Variants in EDNRB observed in about 807,000 individuals in gnomAD.
The protein encoded by EDNRB is endothelin receptor type B, also known as Hirschsprung disease 2.
Under a neutral mutation model 46.4 loss-of-function variants are expected in EDNRB, and 18 were observed. The ratio of observed to expected loss-of-function variants is 0.39; its 90% CI spans 0.27 to 0.57. The LOEUF (loss-of-function observed/expected upper bound fraction) is 0.57. EDNRB is among the 20% of genes least tolerant of loss of function. EDNRB has a pLI of 0.61. For synonymous variants in EDNRB, 213 were observed against 204.9 expected, an observed-to-expected ratio of 1.04 and a Z score of -0.34; for missense variants, 434 against 537.5, an observed-to-expected ratio of 0.81 and a Z score of 1.90.
chr13:77,901,123 T>A lies in EDNRB; in HGVS notation c.886A>T (p.Met296Leu), dbSNP rs765490586. ...TTCTTTCTCAACATTTCACAGGTCA[T>A]TAGTGTATAAAAAAATGCAGTGATG... Reference protein sequence around the residue: ...LAITAFFYTLMTCEMLRKKSG... With the variant: ...LAITAFFYTLLTCEMLRKKSG... The change falls in exon 4 of 7, where the codon ATG becomes TTG. Residue 296 changes from methionine (M) to leucine (L), a missense_variant. By Grantham distance (15) the Met-to-Leu change is conservative. Coordinates refer to ENST00000646607, the MANE Select transcript of EDNRB (RefSeq NM_001122659.3). 1 of 1,611,536 alleles carries A rather than the reference T, an allele frequency of 6.2e-7. No homozygotes were observed. The highest frequency in any genetic ancestry group is 1.1e-5 in the South Asian group (1 of 91,032).
At position 77,916,125 on chromosome 13, in the gene EDNRB, G is replaced by T. The variant is rs12720181; in HGVS notation, c.483+1966C>A. 5.9e-5 allele frequency among the ~76,000 whole-genome samples: 9 copies of T among 152,268 alleles called. No individual in the cohort carries two copies. In the South Asian group the frequency reaches 1.9e-3, roughly 32 times the overall value. On this transcript the variant is annotated intron_variant, in intron 1 of 6. Coordinates refer to ENST00000646607, the MANE Select transcript of EDNRB (RefSeq NM_001122659.3). ...CTTCAGCTACTGTCTGATTTAGAAA[G>T]GTTTCTAACTGGGCTGGACATGTGG...
At chr13:77,921,561 A>C (rs7989185), upstream of EDNRB, among the ~76,000 whole-genome samples, 1 of 151,884 alleles carries the variant, frequency 6.6e-6, no homozygotes. Flanking sequence ...TGCATGTCTA[A>C]ATGGTTACAC....
At chr13:77,914,169 C>T (rs1357976673) in intron 1 of EDNRB, among the ~76,000 whole-genome samples, 1 of 152,126 alleles carries the variant, frequency 6.6e-6, no homozygotes, top group Admixed American at 6.6e-5. Context: ...TTTAATAATT[C>T]CAGTTATAAA....
chr13:77,953,774 G>A (rs1881158300), intron 1 of EDNRB, among the ~76,000 whole-genome samples: 1 of 152,080 alleles, frequency 6.6e-6, no homozygotes, highest in South Asian at 2.1e-4. Context: ...GGAACCCAGG[G>A]ACCATATAAT....
chr13:77,935,289 T>C (rs1880530204), intron 1 of EDNRB, among the ~76,000 whole-genome samples: 2 of 152,166 alleles, frequency 1.3e-5, no homozygotes, highest in Admixed American at 6.5e-5. Flanking sequence ...CCAGTTCTTG[T>C]GTAAGAATTC....
At chr13:77,956,956 G>T (rs751619933) in intron 1 of EDNRB, among the ~76,000 whole-genome samples, 9 of 152,142 alleles carry the variant, frequency 5.9e-5, no homozygotes, top group Admixed American at 1.3e-4. Flanking sequence ...AGTCCCTTTA[G>T]CCATGTAAGA....
intron 1 of EDNRB, among the ~76,000 whole-genome samples, chr13:77,929,043 G>T (rs190653794): frequency 1.3e-5 from 2 of 152,256 alleles, no homozygotes; most frequent in South Asian, 4.1e-4. Context: ...TAAATTTTAG[G>T]TTCAGACGTT....
At chr13:77,963,692 T>C (rs1010615260) in intron 1 of EDNRB, among the ~76,000 whole-genome samples, 43 of 152,158 alleles carry the variant, frequency 2.8e-4, no homozygotes, top group African/African-American at 8.9e-4. Flanking sequence ...GGCAATACCA[T>C]TCAGGACGGA....
At chr13:77,909,460 C>A (rs141010460) in intron 1 of EDNRB, among the ~76,000 whole-genome samples, 1 of 151,868 alleles carries the variant, frequency 6.6e-6, no homozygotes, top group African/African-American at 2.4e-5. Flanking sequence ...AAAAAAAATC[C>A]TGTTAACACA....
chr13:77,908,609 G>A (rs1425009540), intron 1 of EDNRB, among the ~76,000 whole-genome samples: 1 of 151,956 alleles, frequency 6.6e-6, no homozygotes, highest in Non-Finnish European at 1.5e-5. Context: ...CACTGAAGAG[G>A]AAATGGATTC....
chr13:77,925,531 C>G (rs1880212319), intron 1 of EDNRB, among the ~76,000 whole-genome samples: 2 of 152,190 alleles, frequency 1.3e-5, no homozygotes, highest in South Asian at 4.1e-4. Context: ...AAGCCCTAAG[C>G]CTTGGCACCT....
intron 1 of EDNRB, among the ~76,000 whole-genome samples, chr13:77,927,645 G>A (rs561692025): frequency 6.6e-6 from 1 of 152,176 alleles, no homozygotes; most frequent in Admixed American, 6.5e-5. Context: ...CACAGCAAGA[G>A]CTGTAACATA....
chr13:77,975,368 C>T (rs2137700514), exon 1 of EDNRB: 1 of 152,520 alleles, frequency 6.6e-6, no homozygotes, highest in South Asian at 2.1e-4. Flanking sequence ...TGTCCAGACT[C>T]CAAGTACCAG....
rs1338020361 is a variant in EDNRB at position 77,898,309 on chromosome 13, G to GACTGGCACCAGCA, written c.1207_1219dup (p.Ser407LeufsTer7). ...CTCCAAGGACTGTTTTTCTTCAAATGACTGGCACCAGCAGCATAAGCATGA... is the reference window on the plus strand; with the variant it reads ...CTCCAAGGACTGTTTTTCTTCAAATGACTGGCACCAGCAACTGGCACCAGCAGCATAAGCATGA... On this transcript the variant is annotated frameshift_variant, in exon 7 of 7. Coordinates refer to ENST00000646607, the MANE Select transcript of EDNRB (RefSeq NM_001122659.3). LOFTEE classifies it high-confidence loss of function. 1 of 1,612,042 alleles carries GACTGGCACCAGCA rather than the reference G, an allele frequency of 6.2e-7. No individual in the cohort carries two copies. The highest frequency in any genetic ancestry group is 1.7e-5 in the Admixed American group (1 of 59,814).
Position 77,900,930 on chromosome 13 carries a change from C to A in EDNRB, c.951+128G>T, listed in dbSNP as rs968511401. ...AATATTCTTTATCTATTTAAAACTACCAGAAACAAGAAAAAGGAAATATGC... is the reference window on the plus strand; with the variant it reads ...AATATTCTTTATCTATTTAAAACTAACAGAAACAAGAAAAAGGAAATATGC... On this transcript the variant is annotated intron_variant, in intron 4 of 6. Coordinates refer to ENST00000646607, the MANE Select transcript of EDNRB (RefSeq NM_001122659.3). 5 of 1,151,100 alleles carry A rather than the reference C, an allele frequency of 4.3e-6. No homozygotes were observed. In the African/African-American group the frequency reaches 7.8e-5, roughly 18 times the overall value. 71.3% of individuals were successfully genotyped at this position (1,151,100 alleles called of 1,614,324 possible).
chr13:77,898,192 T>C lies in EDNRB; in HGVS notation c.*8A>G, dbSNP rs760005563. ...AAAGAAAATGAAATACAGTGAATAGTTCTTCTTTCAAGATGAGCTGTATTT... is the reference window on the plus strand; with the variant it reads ...AAAGAAAATGAAATACAGTGAATAGCTCTTCTTTCAAGATGAGCTGTATTT... On this transcript the variant is annotated 3_prime_UTR_variant, in exon 7 of 7. Transcript: ENST00000646607. 17 of 1,610,758 alleles carry C rather than the reference T, an allele frequency of 1.1e-5. No individual in the cohort carries two copies. The highest frequency in any genetic ancestry group is 5.3e-5 in the African/African-American group (4 of 74,776).
At chr13:77,960,151 A>G (rs1163789616) in intron 1 of EDNRB, among the ~76,000 whole-genome samples, 2 of 152,224 alleles carry the variant, frequency 1.3e-5, no homozygotes, top group Non-Finnish European at 1.5e-5. Flanking sequence ...CAACCTAGCA[A>G]GGCAGGCCAA....
intron 1 of EDNRB, among the ~76,000 whole-genome samples, chr13:77,932,601 G>T (rs112231854): frequency 6.6e-6 from 1 of 152,232 alleles, no homozygotes; most frequent in Non-Finnish European, 1.5e-5. Flanking sequence ...CTTAGACCAA[G>T]TCCATCTAAC....
intron 1 of EDNRB, among the ~76,000 whole-genome samples, chr13:77,966,798 A>T (rs560907133): frequency 2.0e-5 from 3 of 152,174 alleles, no homozygotes; most frequent in Non-Finnish European, 2.9e-5. Flanking sequence ...TCTGAGACTG[A>T]CTATGTGAAA....
Sources: allele counts gnomAD v4.1 joint callset (sites outside exome capture counted in the v4.1 genomes callset), GRCh38; gene constraint gnomAD v4.1.1; transcripts MANE v1.5; gene names NCBI Gene and HGNC (gene_info 2026-07-23, HGNC 2026-07-21).